SGCZ: variants seen among roughly 807,000 people sequenced by gnomAD.
The protein encoded by SGCZ is zeta-sarcoglycan.
In SGCZ, 40 loss-of-function variants were observed where a neutral mutation model predicts 41.3. The observed-to-expected ratio is 0.97, with a 90% confidence interval of 0.75 to 1.26. The LOEUF (loss-of-function observed/expected upper bound fraction) is 1.26, where lower values mean the gene tolerates loss of function less well. Ranked by LOEUF, SGCZ falls within the 50% of genes most tolerant of loss-of-function variation. The probability of loss-of-function intolerance (pLI) is 0.00; values close to 1 mark genes in which losing one functional copy is unlikely to be tolerated. For missense variants in SGCZ, 552 were observed against 369.8 expected (o/e 1.49, Z -4.04); for synonymous variants, 206 against 137.5 (o/e 1.50, Z -3.49).
At chr8:14,242,429 C>A (rs545872715) in intron 3 of SGCZ, among the ~76,000 whole-genome samples, 3 of 152,250 alleles carry the variant, frequency 2.0e-5, no homozygotes, top group Middle Eastern at 6.8e-3. Context: ...GGACCCTGAC[C>A]ATTTGAGTTC....
chr8:14,377,949 T>C (rs1479784992), intron 2 of SGCZ, among the ~76,000 whole-genome samples: 1 of 150,606 alleles, frequency 6.6e-6, no homozygotes, highest in Non-Finnish European at 1.5e-5. Flanking sequence ...TTAGGCTTGG[T>C]TCCAAGTCTT....
chr8:14,935,042 T>C (rs932374836), intron 1 of SGCZ, among the ~76,000 whole-genome samples: 5 of 147,930 alleles, frequency 3.4e-5, no homozygotes, highest in African/African-American at 1.2e-4. Flanking sequence ...CTTTTAAAGG[T>C]GAAAACTGAG....
chr8:15,191,307 A>C (rs1266581145), intron 1 of SGCZ, among the ~76,000 whole-genome samples: 2 of 152,062 alleles, frequency 1.3e-5, no homozygotes, highest in Admixed American at 1.3e-4. Context: ...TCTCAAAAGG[A>C]AAATTTTTTT....
chr8:14,309,640 G>A, intron 3 of SGCZ: 2 of 1,610,776 alleles, frequency 1.2e-6, no homozygotes, highest in Non-Finnish European at 1.7e-6. Flanking sequence ...GCTACTAAGA[G>A]CGGCTCCACC....
intron 3 of SGCZ, among the ~76,000 whole-genome samples, chr8:14,282,229 G>A (rs568300996): frequency 6.6e-4 from 100 of 151,782 alleles, no homozygotes; most frequent in African/African-American, 2.3e-3. Context: ...ATACTGATCC[G>A]CCTGTATCCC....
chr8:14,813,018 T>C lies in SGCZ; in HGVS notation c.40-258092A>G, dbSNP rs933970455. 2.1e-4 allele frequency among the ~76,000 whole-genome samples: 32 copies of C among 152,166 alleles called. 1 individual carries two copies. Among genetic ancestry groups the C allele is most frequent in the Admixed American group, 6.5e-4 (10 of 15,278 alleles). ...TATCTCAGTAAATCTGAAGAGAGTC[T>C]AAAATAAATTTGAATAATTGAAATG... On this transcript the variant is annotated intron_variant, in intron 1 of 7. Coordinates refer to ENST00000382080, the MANE Select transcript of SGCZ (RefSeq NM_139167.4).
chr8:14,532,729 G>C (rs1030659652), intron 2 of SGCZ, among the ~76,000 whole-genome samples: 45 of 120,518 alleles, frequency 3.7e-4, no homozygotes, highest in Admixed American at 1.6e-3. Context: ...GGGCGGGGGG[G>C]AGGAGGGTGT....
intron 1 of SGCZ, among the ~76,000 whole-genome samples, chr8:14,572,491 G>A (rs116962242): frequency 2.5e-4 from 36 of 144,802 alleles, no homozygotes; most frequent in Non-Finnish European, 4.3e-4. Context: ...AATCCTCACC[G>A]AACCCAGAGA....
chr8:14,871,325 T>C (rs1007282000), intron 1 of SGCZ, among the ~76,000 whole-genome samples: 5 of 152,192 alleles, frequency 3.3e-5, no homozygotes, highest in Middle Eastern at 3.2e-3. Flanking sequence ...AAGACAGTTT[T>C]GTGACTCCTC....
intron 1 of SGCZ, among the ~76,000 whole-genome samples, chr8:14,863,326 T>C (rs910242275): frequency 6.6e-6 from 1 of 152,090 alleles, no homozygotes; most frequent in Non-Finnish European, 1.5e-5. Flanking sequence ...TAATTACTAT[T>C]ATTATTACTA....
intron 1 of SGCZ, among the ~76,000 whole-genome samples, chr8:15,031,330 G>T (rs768847751): frequency 1.3e-5 from 2 of 152,172 alleles, no homozygotes; most frequent in Non-Finnish European, 1.5e-5. Flanking sequence ...TTGAGGTAAA[G>T]AGTGGTGTAT....
chr8:15,021,917 G>A (rs1019520563), intron 1 of SGCZ, among the ~76,000 whole-genome samples: 42 of 152,064 alleles, frequency 2.8e-4, no homozygotes, highest in African/African-American at 8.9e-4. Flanking sequence ...TTTTGACCCC[G>A]TTCACACTAT....
chr8:14,711,227 G>T lies in SGCZ; in HGVS notation c.40-156301C>A, dbSNP rs368344035. On this transcript the variant is annotated intron_variant, in intron 1 of 7. Coordinates refer to ENST00000382080, the MANE Select transcript of SGCZ (RefSeq NM_139167.4). ...TACAAATGTAACACAATTTGTGAAA[G>T]TTATTTTTTCTTAAATTCAGTTCTC... Among the ~76,000 whole-genome samples, 245 of 152,142 alleles carry T rather than the reference G, an allele frequency of 1.6e-3. 4 individuals are homozygous for T. The Middle Eastern group carries it at 0.02, about 13-fold the overall frequency.
At chr8:14,466,193 G>T (rs1280095023) in intron 2 of SGCZ, among the ~76,000 whole-genome samples, 1 of 151,892 alleles carries the variant, frequency 6.6e-6, no homozygotes, top group Non-Finnish European at 1.5e-5. Flanking sequence ...CTTTATCCGA[G>T]AATGTCTTAA....
intron 1 of SGCZ, among the ~76,000 whole-genome samples, chr8:14,579,282 T>C (rs1293653223): frequency 1.3e-5 from 2 of 152,222 alleles, no homozygotes; most frequent in Non-Finnish European, 2.9e-5. Flanking sequence ...TGTGTTTAAA[T>C]ATGTTTAAGT....
At chr8:14,383,076 A>G (rs10092834) in intron 2 of SGCZ, among the ~76,000 whole-genome samples, 3,985 of 152,268 alleles carry the variant, frequency 0.026, 179 homozygotes, top group African/African-American at 0.09. Context: ...ATTGTCCCCA[A>G]TCATAAGAAG....
At chr8:14,489,851 C>T (rs969044904) in intron 2 of SGCZ, among the ~76,000 whole-genome samples, 1 of 138,876 alleles carries the variant, frequency 7.2e-6, no homozygotes, top group Non-Finnish European at 1.5e-5. Context: ...ACTGGCTCGC[C>T]GAAAAATTCT....
At chr8:15,136,106 G>A (rs1033187976) in intron 1 of SGCZ, among the ~76,000 whole-genome samples, 1 of 152,054 alleles carries the variant, frequency 6.6e-6, no homozygotes, top group Non-Finnish European at 1.5e-5. Flanking sequence ...AGCTCCTTCT[G>A]TCCCATCCCT....
At chr8:15,115,840 T>A (rs1166549003) in intron 1 of SGCZ, among the ~76,000 whole-genome samples, 1 of 152,358 alleles carries the variant, frequency 6.6e-6, no homozygotes, top group Admixed American at 6.5e-5. Flanking sequence ...AGCAGTCATA[T>A]TCCCAAAGGG....
Sources: allele counts gnomAD v4.1 joint callset (sites outside exome capture counted in the v4.1 genomes callset), GRCh38; gene constraint gnomAD v4.1.1; transcripts MANE v1.5; gene names NCBI Gene and HGNC (gene_info 2026-07-23, HGNC 2026-07-21).